CAST: variants seen among roughly 807,000 people sequenced by gnomAD.
The protein encoded by CAST is calpastatin.
In CAST, 76 loss-of-function variants were observed where a neutral mutation model predicts 119.6. That is an observed-to-expected ratio of 0.64 (90% CI 0.53 to 0.77). The LOEUF (loss-of-function observed/expected upper bound fraction) is 0.77, where lower values mean the gene tolerates loss of function less well. Among genes scored for constraint, CAST ranks in the 30% least tolerant of loss-of-function variants. The pLI is 0.00. For synonymous variants in CAST, 319 were observed against 331.6 expected (o/e 0.96, Z 0.41); for missense variants, 953 against 946.5 (o/e 1.01, Z -0.09).
intron 1 of CAST, among the ~76,000 whole-genome samples, chr5:96,603,898 G>T (rs1039341381): frequency 6.6e-6 from 1 of 151,190 alleles, no homozygotes; most frequent in South Asian, 2.1e-4. Flanking sequence ...AGAGTAGCTG[G>T]GACTACAGGT....
the CAST span, among the ~76,000 whole-genome samples, chr5:96,129,649 A>G: frequency 5.9e-5 from 9 of 152,132 alleles, no homozygotes; most frequent in South Asian, 2.1e-4. Context: ...TAAAGTATTC[A>G]CTACTATTTC....
chr5:96,406,172 C>A, the CAST span, among the ~76,000 whole-genome samples: 1 of 152,078 alleles, frequency 6.6e-6, no homozygotes, highest in Non-Finnish European at 1.5e-5. Context: ...TCTCGTTTGA[C>A]CCCTTCATTT....
At chr5:96,244,866 GAT>G in the CAST span, among the ~76,000 whole-genome samples, 1 of 152,136 alleles carries the variant, frequency 6.6e-6, no homozygotes, top group African/African-American at 2.4e-5. Flanking sequence ...GGGTAATTAA[GAT>G]ATTCATGAGT....
At chr5:96,708,792 C>T (rs1755531020) in intron 3 of CAST, among the ~76,000 whole-genome samples, 1 of 152,202 alleles carries the variant, frequency 6.6e-6, no homozygotes, top group South Asian at 2.1e-4. Context: ...ACCCGAGGTG[C>T]AAAAGAGGAT....
At chr5:96,555,573 A>G (rs1378916284) in intron 1 of CAST, among the ~76,000 whole-genome samples, 2 of 152,206 alleles carry the variant, frequency 1.3e-5, no homozygotes, top group Non-Finnish European at 2.9e-5. Flanking sequence ...ACACCAGGAC[A>G]TTATATCCCG....
the CAST span, among the ~76,000 whole-genome samples, chr5:96,393,711 C>T: frequency 6.6e-6 from 1 of 152,336 alleles, no homozygotes; most frequent in South Asian, 2.1e-4. Flanking sequence ...AGCCTGCTGT[C>T]ATGGAATCCA....
the CAST span, among the ~76,000 whole-genome samples, chr5:96,349,532 T>C: frequency 6.6e-6 from 1 of 152,288 alleles, no homozygotes; most frequent in South Asian, 2.1e-4. Context: ...TATTAAAAAC[T>C]CTTTGGCGTC....
At chr5:96,532,576 A>G (rs1199446957) in intron 1 of CAST, among the ~76,000 whole-genome samples, 1 of 152,208 alleles carries the variant, frequency 6.6e-6, no homozygotes, top group Non-Finnish European at 1.5e-5. Flanking sequence ...TTGGCCAGGC[A>G]TCGTGGCCCA....
intron 3 of CAST, among the ~76,000 whole-genome samples, chr5:96,714,000 G>C (rs1756735239): frequency 6.6e-6 from 1 of 152,002 alleles, no homozygotes; most frequent in Non-Finnish European, 1.5e-5. Context: ...ACAGTGGTCA[G>C]CACAGAATTA....
chr5:96,322,350 C>T, the CAST span, among the ~76,000 whole-genome samples: 5 of 152,164 alleles, frequency 3.3e-5, no homozygotes, highest in South Asian at 4.1e-4. Flanking sequence ...GAAAGTGCTA[C>T]GGTCATTTGT....
chr5:96,054,814 G>A, the CAST span, among the ~76,000 whole-genome samples: 1 of 152,080 alleles, frequency 6.6e-6, no homozygotes, highest in African/African-American at 2.4e-5. Context: ...GCTGCACTGT[G>A]GTGTGTGAAG....
At chr5:96,772,174 T>C (rs1772643579) in intron 31 of CAST, 1 of 153,830 alleles carries the variant, frequency 6.5e-6, no homozygotes, top group Admixed American at 6.5e-5. Context: ...AAGGAAAAGA[T>C]TGGCCATTTT....
chr5:96,628,216 C>A (rs1420221768), intron 1 of CAST, among the ~76,000 whole-genome samples: 1 of 152,134 alleles, frequency 6.6e-6, no homozygotes, highest in Non-Finnish European at 1.5e-5. Flanking sequence ...TAAAAATGCC[C>A]TATGGAGGAA....
chr5:96,457,428 A>G, the CAST span, among the ~76,000 whole-genome samples: 2 of 152,288 alleles, frequency 1.3e-5, no homozygotes, highest in Admixed American at 6.5e-5. Flanking sequence ...AAACTCTCCA[A>G]TAACTTTCCA....
intron 1 of CAST, among the ~76,000 whole-genome samples, chr5:96,607,090 C>A (rs1052519818): frequency 6.6e-6 from 1 of 152,146 alleles, no homozygotes; most frequent in African/African-American, 2.4e-5. Flanking sequence ...AGATCAAGAC[C>A]ATCCTGGCTA....
chr5:96,563,651 TAAA>T (rs796796955), intron 1 of CAST, among the ~76,000 whole-genome samples: 4 of 110,496 alleles, frequency 3.6e-5, no homozygotes, highest in Non-Finnish European at 8.0e-5. Flanking sequence ...GTATTACTTA[TAAA>T]AAAAAAGCAT....
At chr5:96,052,217 A>G in the CAST span, among the ~76,000 whole-genome samples, 933 of 152,374 alleles carry the variant, frequency 6.1e-3, 13 homozygotes, top group African/African-American at 0.021. Flanking sequence ...ACAGCATGAC[A>G]TTGTGGGCAC....
the CAST span, among the ~76,000 whole-genome samples, chr5:96,141,574 A>G: frequency 3.9e-5 from 6 of 152,350 alleles, no homozygotes; most frequent in East Asian, 3.9e-4. Flanking sequence ...GCGGACACCC[A>G]CACCATGCCC....
chr5:96,706,908 G>A (rs934386552), intron 3 of CAST, among the ~76,000 whole-genome samples: 5 of 152,146 alleles, frequency 3.3e-5, no homozygotes, highest in African/African-American at 1.2e-4. Flanking sequence ...GGGGCTCTAC[G>A]CAGTTTAACT....
Sources: gnomAD v4.1 joint callset for allele counts (sites outside exome capture counted in the v4.1 genomes callset) on GRCh38, gnomAD v4.1.1 for gene constraint, MANE v1.5 for transcripts, NCBI Gene and HGNC (gene_info 2026-07-23, HGNC 2026-07-21) for gene names.